Variants in TRIM24 observed in about 807,000 individuals in gnomAD.
The protein encoded by TRIM24 is tripartite motif containing 24.
In TRIM24, 29 loss-of-function variants were observed where a neutral mutation model predicts 123.9. That is an observed-to-expected ratio of 0.23 (90% CI 0.17 to 0.32). TRIM24 has a LOEUF of 0.32. TRIM24 is among the 10% of genes least tolerant of loss of function. The pLI is 1.00. For missense variants in TRIM24, 932 were observed against 1,295.3 expected (o/e 0.72, Z 4.31); for synonymous variants, 456 against 461.1 (o/e 0.99, Z 0.14).
At chr7:138,581,663 T>C (rs375047547) in intron 16 of TRIM24, 34 bp from the exon 17 acceptor site, 1 of 1,530,846 alleles carries the variant, frequency 6.5e-7, no homozygotes. Flanking sequence ...TGTTTTATAA[T>C]ATTTTATCTC....
At chr7:138,523,750 CAAAAAAA>C (rs756103684) in intron 4 of TRIM24, among the ~76,000 whole-genome samples, 15 of 57,232 alleles carry the variant, frequency 2.6e-4, no homozygotes, top group Non-Finnish European at 1.7e-4. Flanking sequence ...GACTCCGTCT[CAAAAAAA>C]AAAAAAAAAA....
chr7:138,538,618 A>G (rs1408034771), intron 6 of TRIM24, 39 bp from the exon 7 acceptor site: 7 of 1,608,982 alleles, frequency 4.4e-6, no homozygotes, highest in African/African-American at 2.7e-5. Context: ...TCTATGTTAC[A>G]TGCTGATACT....
chr7:138,493,539 T>C (rs759527030), intron 1 of TRIM24, among the ~76,000 whole-genome samples: 24 of 152,184 alleles, frequency 1.6e-4, no homozygotes, highest in Non-Finnish European at 2.8e-4. Context: ...TATTTTAAGA[T>C]GTCTGGATTT....
At chr7:138,470,331 A>G (rs1418049641) in intron 1 of TRIM24, among the ~76,000 whole-genome samples, 4 of 151,906 alleles carry the variant, frequency 2.6e-5, no homozygotes, top group Admixed American at 6.6e-5. Context: ...GGGTTTCACT[A>G]TGTTGGTCAG....
In TRIM24 at chr7:138,460,422, C is replaced by T. The variant is rs1325595927; in HGVS notation, c.-127C>T. The T allele has an allele frequency of 1.9e-6, 2 of 1,076,506 alleles. No homozygotes were observed. Among genetic ancestry groups the T allele is most frequent in the African/African-American group, 1.6e-5 (1 of 60,956 alleles). 66.7% of individuals were successfully genotyped at this position (1,076,506 alleles called of 1,614,324 possible). ...CCCCCGCCCGGTTTGCTTTCCCTCC[C>T]TCGCTGGCGCTGCCGCGAGTCCACC... On this transcript the variant is annotated 5_prime_UTR_variant, in exon 1 of 19. Transcript: ENST00000343526.
At position 138,589,628 on chromosome 7, in the gene TRIM24, G is replaced by A. The variant is rs1357645656; in HGVS notation, c.*4677G>A. The stretch of plus-strand genomic sequence containing the variant: ...TGACAGGAAGGAAAGCGGGTGGTAA[G>A]TATCTTGGATTATTCTGCCTCATAC... On this transcript the variant is annotated 3_prime_UTR_variant, in exon 19 of 19. Transcript: ENST00000343526. 1 of 152,158 alleles carries A rather than the reference G, an allele frequency of 6.6e-6. No homozygotes were observed. Among genetic ancestry groups the A allele is most frequent in the Admixed American group, 6.5e-5 (1 of 15,282 alleles). 9.4% of individuals were successfully genotyped at this position (152,158 alleles called of 1,614,324 possible).
intron 1 of TRIM24, among the ~76,000 whole-genome samples, chr7:138,496,488 T>TC (rs1795908571): frequency 6.6e-6 from 1 of 152,216 alleles, no homozygotes. Context: ...AGAGTGGACA[T>TC]CCTTGCCTTC....
intron 1 of TRIM24, among the ~76,000 whole-genome samples, chr7:138,503,417 T>A (rs1156839662): frequency 3.3e-5 from 5 of 152,194 alleles, no homozygotes; most frequent in Middle Eastern, 3.4e-3. Context: ...TCTTTTAAAA[T>A]TTATTTCTAA....
At chr7:138,512,102 C>T (rs1300817856) in intron 2 of TRIM24, among the ~76,000 whole-genome samples, 1 of 152,198 alleles carries the variant, frequency 6.6e-6, no homozygotes, top group Admixed American at 6.5e-5. Flanking sequence ...AAATAATCCC[C>T]TTTGACTTCA....
intron 1 of TRIM24, among the ~76,000 whole-genome samples, chr7:138,494,790 G>T (rs2116506609): frequency 6.6e-6 from 1 of 152,094 alleles, no homozygotes. Flanking sequence ...AAAATTGCAG[G>T]TTTTTTTATC....
Position 138,567,537 on chromosome 7 carries a change from A to C in TRIM24, c.1587A>C (p.Pro529=). Residue 529 remains proline (P), a synonymous_variant, in exon 10 of 19, where the codon CCA becomes CCC. Transcript: ENST00000343526. ...FQNHSPKPNG[P]VLPPHPQQLR... is the part of the protein sequence containing the mutation. ...ATCACAGCCCCAAACCCAATGGACC[A>C]GTTCTTCCTCCTCATCCTCAACAAC... 6.2e-7 allele frequency: 1 copy of C among 1,614,062 alleles called. No homozygotes were observed. Among genetic ancestry groups the C allele is most frequent in the Non-Finnish European group, 8.5e-7 (1 of 1,179,974 alleles).
intron 1 of TRIM24, among the ~76,000 whole-genome samples, chr7:138,486,405 C>A (rs929338230): frequency 6.6e-6 from 1 of 152,120 alleles, no homozygotes; most frequent in Non-Finnish European, 1.5e-5. Context: ...TCATGAAGTC[C>A]TTGCCCATGC....
intron 4 of TRIM24, among the ~76,000 whole-genome samples, chr7:138,524,015 AGT>A (rs373001139): frequency 6.0e-4 from 92 of 152,296 alleles, no homozygotes; most frequent in African/African-American, 2.1e-3. Flanking sequence ...ATTTTGGGAC[AGT>A]GTAATCACAA....
At position 138,498,584 on chromosome 7, in the gene TRIM24, C is replaced by T. The variant is rs147172553; in HGVS notation, c.365-5706C>T. 4.4e-3 allele frequency among the ~76,000 whole-genome samples: 672 copies of T among 152,226 alleles called. 3 individuals are homozygous for T. The highest frequency in any genetic ancestry group is 0.016 in the African/African-American group (646 of 41,546). ...TTTTATTTTCCTGTATATGTTATATCTTGGTGAATATCTCATGCATGCTTA... is the reference window on the plus strand; with the variant it reads ...TTTTATTTTCCTGTATATGTTATATTTTGGTGAATATCTCATGCATGCTTA... On this transcript the variant is annotated intron_variant, in intron 1 of 18. Transcript: ENST00000343526.
intron 1 of TRIM24, among the ~76,000 whole-genome samples, chr7:138,461,982 G>T (rs1408215068): frequency 6.6e-6 from 1 of 152,206 alleles, no homozygotes; most frequent in Non-Finnish European, 1.5e-5. Context: ...ACTTGTAGGA[G>T]ACAGTTTTCC....
intron 2 of TRIM24, among the ~76,000 whole-genome samples, chr7:138,506,744 A>G (rs1209302672): frequency 1.3e-5 from 2 of 152,146 alleles, no homozygotes; most frequent in Non-Finnish European, 2.9e-5. Context: ...CAACATTTAG[A>G]CATCCTAAAT....
chr7:138,577,704 A>G (rs1797791109), intron 14 of TRIM24, 116 bp downstream of exon 14: 2 of 847,518 alleles, frequency 2.4e-6, no homozygotes, highest in East Asian at 6.6e-5. Flanking sequence ...TTTAAAGACA[A>G]TTTGAGGGAA....
intron 10 of TRIM24, 30 bp downstream of exon 10, chr7:138,567,684 T>G (rs2116663592): frequency 6.5e-7 from 1 of 1,528,094 alleles, no homozygotes; most frequent in East Asian, 2.4e-5. Context: ...TCTCAATTGC[T>G]TTTTCTGCTG....
At chr7:138,464,026 G>C (rs1301770829) in intron 1 of TRIM24, among the ~76,000 whole-genome samples, 1 of 19,516 alleles carries the variant, frequency 5.1e-5, no homozygotes, top group African/African-American at 2.3e-4. Context: ...ACGGAGTCTC[G>C]CTCTGTCGCC....
Sources: allele counts gnomAD v4.1 joint callset (sites outside exome capture counted in the v4.1 genomes callset), GRCh38; gene constraint gnomAD v4.1.1; transcripts MANE v1.5; gene names NCBI Gene and HGNC (gene_info 2026-07-23, HGNC 2026-07-21).